The following NEMP2 variants were observed in gnomAD, a reference collection of about 807,000 sequenced individuals.
NEMP2 encodes nuclear envelope integral membrane protein 2.
In NEMP2, 53 loss-of-function variants were observed where a neutral mutation model predicts 54.2. The observed-to-expected ratio is 0.98, with a 90% CI of 0.78 to 1.23. NEMP2 has a LOEUF of 1.23. NEMP2 is among the 50% of genes most tolerant of loss of function. The pLI, the probability that NEMP2 is intolerant of heterozygous loss-of-function variation, is 0.00. For synonymous variants in NEMP2, 197 were observed against 190.3 expected (o/e 1.04, Z -0.29); for missense variants, 455 against 511.3 (o/e 0.89, Z 1.06).
At chr2:190,537,530 T>G (rs1236713007), upstream of NEMP2, among the ~76,000 whole-genome samples, 1 of 152,208 alleles carries the variant, frequency 6.6e-6, no homozygotes, top group Non-Finnish European at 1.5e-5. Context: ...GATTGTAAGT[T>G]TCCTGAGGCC....
the NEMP2 span, among the ~76,000 whole-genome samples, chr2:190,549,685 T>C: frequency 3.3e-5 from 5 of 152,202 alleles, no homozygotes; most frequent in African/African-American, 9.6e-5. Flanking sequence ...TCTCTTCAAG[T>C]TGGCTCCTGA....
At chr2:190,581,325 A>T in the NEMP2 span, among the ~76,000 whole-genome samples, 1 of 152,214 alleles carries the variant, frequency 6.6e-6, no homozygotes, top group African/African-American at 2.4e-5. Context: ...AATGGAAAAA[A>T]ATATAATGTG....
At chr2:190,477,417 AATAC>A in the NEMP2 span, 10 of 930,006 alleles carry the variant, frequency 1.1e-5, no homozygotes, top group Non-Finnish European at 1.3e-5. Context: ...ATATTATAAT[AATAC>A]ATGCATATAA....
chr2:190,573,109 G>A, the NEMP2 span, among the ~76,000 whole-genome samples: 1 of 151,752 alleles, frequency 6.6e-6, no homozygotes, highest in Non-Finnish European at 1.5e-5. Context: ...CATTTTTCAG[G>A]ATCTGGCTAG....
the NEMP2 span, among the ~76,000 whole-genome samples, chr2:190,446,400 A>G: frequency 6.6e-6 from 1 of 152,226 alleles, no homozygotes. Flanking sequence ...AGAAAGGCAC[A>G]GGCACTTTAC....
chr2:190,605,341 C>G, the NEMP2 span, among the ~76,000 whole-genome samples: 1 of 147,616 alleles, frequency 6.8e-6, no homozygotes, highest in Admixed American at 6.7e-5. Flanking sequence ...TCTACCACGT[C>G]TTTTTTTAAT....
the NEMP2 span, among the ~76,000 whole-genome samples, chr2:190,606,185 C>T: frequency 6.6e-6 from 1 of 152,010 alleles, no homozygotes; most frequent in Non-Finnish European, 1.5e-5. Flanking sequence ...TTTCTAACTT[C>T]CTTTTTCCTA....
At chr2:190,459,075 G>A in the NEMP2 span, among the ~76,000 whole-genome samples, 2 of 152,178 alleles carry the variant, frequency 1.3e-5, no homozygotes, top group Admixed American at 1.3e-4. This position sits in a 1 kb window ranked among gnomAD's most constrained non-coding sequence, Gnocchi z 5.3. Context: ...CTCACCTGCA[G>A]CTTTGCTTCT....
the NEMP2 span, among the ~76,000 whole-genome samples, chr2:190,431,937 ATCT>A: frequency 2.0e-5 from 3 of 152,084 alleles, no homozygotes; most frequent in African/African-American, 4.8e-5. This position sits in a 1 kb window ranked among gnomAD's most constrained non-coding sequence, Gnocchi z 4.4. Flanking sequence ...TAGTTGCATA[ATCT>A]TCTCTTATTT....
the NEMP2 span, among the ~76,000 whole-genome samples, chr2:190,555,934 T>C: frequency 7.9e-5 from 12 of 151,986 alleles, no homozygotes; most frequent in African/African-American, 2.9e-4. The surrounding 1 kb of genome is among the most constrained non-coding windows in gnomAD (Gnocchi z 4.8). Context: ...CTGAAACTAT[T>C]CCAAACAATA....
the NEMP2 span, among the ~76,000 whole-genome samples, chr2:190,615,467 T>C: frequency 6.6e-6 from 1 of 152,214 alleles, no homozygotes; most frequent in Non-Finnish European, 1.5e-5. This position sits in a 1 kb window ranked among gnomAD's most constrained non-coding sequence, Gnocchi z 4.7. Flanking sequence ...GGCACGGAGC[T>C]TCCACACCTT....
At chr2:190,647,541 T>C in the NEMP2 span, among the ~76,000 whole-genome samples, 2 of 152,176 alleles carry the variant, frequency 1.3e-5, no homozygotes, top group African/African-American at 2.4e-5. Flanking sequence ...AATGGGATTC[T>C]ACCTGTCTTT....
chr2:190,578,855 C>T, the NEMP2 span, among the ~76,000 whole-genome samples: 1 of 152,086 alleles, frequency 6.6e-6, no homozygotes, highest in African/African-American at 2.4e-5. This position sits in a 1 kb window ranked among gnomAD's most constrained non-coding sequence, Gnocchi z 4.4. Context: ...TTGCCAGCTG[C>T]CAGCAAGTCA....
At position 190,504,690 on chromosome 2, in the gene NEMP2, T is replaced by C. The variant is rs1690146049; in HGVS notation, c.*4499A>G. On this transcript the variant is annotated 3_prime_UTR_variant, in exon 9 of 9. Coordinates refer to ENST00000409150, the MANE Select transcript of NEMP2 (RefSeq NM_001142645.2). The surrounding 1 kb of genome is among the most constrained non-coding windows in gnomAD (Gnocchi z 5.6). ...TAATCATTTAACAAATTATATACCATACTCTCTCCAATAGTCAGTGTAGGA... is the reference window on the plus strand; with the variant it reads ...TAATCATTTAACAAATTATATACCACACTCTCTCCAATAGTCAGTGTAGGA... The C allele has an allele frequency of 6.6e-6, 1 of 152,218 alleles. No homozygotes were observed. The highest frequency in any genetic ancestry group is 1.5e-5 in the Non-Finnish European group (1 of 68,048). The allele number at this position is 152,218 out of a possible 1,614,324, so 9.4% of individuals were successfully genotyped here. A position where few individuals can be genotyped will look rare whatever the true frequency, so the allele number is the denominator to read the frequency against.
chr2:190,579,073 G>A, the NEMP2 span, among the ~76,000 whole-genome samples: 1 of 151,906 alleles, frequency 6.6e-6, no homozygotes, highest in African/African-American at 2.4e-5. Context: ...TTGTTTGGCA[G>A]ACAGTCTAGT....
At chr2:190,648,271 T>G in the NEMP2 span, 1 of 152,216 alleles carries the variant, frequency 6.6e-6, no homozygotes, top group Non-Finnish European at 1.5e-5. Context: ...CTGGTTCCAT[T>G]CCTCCCTCCT....
chr2:190,453,282 G>A, the NEMP2 span, among the ~76,000 whole-genome samples: 4 of 152,180 alleles, frequency 2.6e-5, no homozygotes, highest in South Asian at 8.3e-4. Context: ...CAGGAAGAGA[G>A]GTGTGGGCTC....
At position 190,529,484 on chromosome 2, in the gene NEMP2, C is replaced by A. The variant is rs10931460; in HGVS notation, c.98-4106G>T. ...AATCACTGATATACTCTATCAAACA[C>A]TCCCTTCTCAGAAAGGCCTTCTTTG... is the stretch of plus-strand genomic sequence containing the variant. On this transcript the variant is annotated intron_variant, in intron 1 of 8. Transcript: ENST00000409150. The surrounding 1 kb of genome is among the most constrained non-coding windows in gnomAD (Gnocchi z 4.7). 0.23 allele frequency among the ~76,000 whole-genome samples: 35,024 copies of A among 152,088 alleles called. 4,985 individuals carry two copies. Among genetic ancestry groups the A allele is most frequent in the South Asian group, 0.33 (1,578 of 4,812 alleles).
chr2:190,538,277 C>T (rs1038140691), upstream of NEMP2, among the ~76,000 whole-genome samples: 10 of 152,120 alleles, frequency 6.6e-5, no homozygotes, highest in Non-Finnish European at 1.2e-4. This position sits in a 1 kb window ranked among gnomAD's most constrained non-coding sequence, Gnocchi z 4.1. Flanking sequence ...CCTCCAGTTC[C>T]ATCCATGTTG....
Sources: gnomAD v4.1 joint callset for allele counts (sites outside exome capture counted in the v4.1 genomes callset) on GRCh38, gnomAD v4.1.1 for gene constraint, Gnocchi (gnomAD v3.1) non-coding constraint, MANE v1.5 for transcripts, NCBI Gene and HGNC (gene_info 2026-07-23, HGNC 2026-07-21) for gene names.